The following EEIG2 variants were observed in gnomAD, a reference collection of about 807,000 sequenced individuals.
EEIG2 encodes EEIG family member 2.
the EEIG2 span, among the ~76,000 whole-genome samples, chr1:108,597,749 G>A: frequency 1.3e-5 from 2 of 152,162 alleles, no homozygotes; most frequent in Non-Finnish European, 2.9e-5. Flanking sequence ...TAGTAGGTTT[G>A]GGGAGGGAGC....
chr1:108,585,618 A>G, the EEIG2 span, among the ~76,000 whole-genome samples: 1 of 152,140 alleles, frequency 6.6e-6, no homozygotes, highest in African/African-American at 2.4e-5. Flanking sequence ...ACCAATGCAT[A>G]TGATCCCTTC....
At chr1:108,568,271 A>G in the EEIG2 span, among the ~76,000 whole-genome samples, 2 of 152,216 alleles carry the variant, frequency 1.3e-5, no homozygotes, top group Non-Finnish European at 2.9e-5. Flanking sequence ...GATGACACAC[A>G]TACAGAGATC....
chr1:108,576,390 C>T, the EEIG2 span, among the ~76,000 whole-genome samples: 1 of 148,402 alleles, frequency 6.7e-6, no homozygotes, highest in Non-Finnish European at 1.5e-5. Context: ...TGGTGCGCTG[C>T]ACCCACTAAC....
chr1:108,565,509 T>C, the EEIG2 span, among the ~76,000 whole-genome samples: 4 of 152,244 alleles, frequency 2.6e-5, no homozygotes, highest in African/African-American at 9.6e-5. Context: ...TTAAGGTTTA[T>C]TAAAACTGGC....
chr1:108,613,027 AACAT>A, the EEIG2 span, among the ~76,000 whole-genome samples: 1 of 152,232 alleles, frequency 6.6e-6, no homozygotes, highest in African/African-American at 2.4e-5. Flanking sequence ...TTAAGCTCTG[AACAT>A]ACGAAAATGT....
the EEIG2 span, among the ~76,000 whole-genome samples, chr1:108,579,604 C>T: frequency 1.3e-5 from 2 of 151,236 alleles, no homozygotes; most frequent in African/African-American, 4.9e-5. Flanking sequence ...TAGACATCTA[C>T]AGAACTCTCT....
At chr1:108,635,265 C>G in the EEIG2 span, 1 of 1,370,624 alleles carries the variant, frequency 7.3e-7, no homozygotes, top group Non-Finnish European at 1.0e-6. Flanking sequence ...AAGAGGAAAG[C>G]CAATGCTGGT....
the EEIG2 span, among the ~76,000 whole-genome samples, chr1:108,602,895 C>T: frequency 6.6e-6 from 1 of 151,840 alleles, no homozygotes; most frequent in Non-Finnish European, 1.5e-5. Flanking sequence ...GAAGACCTTA[C>T]TTCCAAATAA....
chr1:108,579,772 T>TGTGTGTGTGTGTGTGTGAGAGA, the EEIG2 span, among the ~76,000 whole-genome samples: 20 of 58,870 alleles, frequency 3.4e-4, no homozygotes, highest in African/African-American at 1.2e-3. Flanking sequence ...TGTGTGTGTG[T>TGTGTGTGTGTGTGTGTGAGAGA]GAGAGAGAGA....
At chr1:108,572,752 A>G in the EEIG2 span, among the ~76,000 whole-genome samples, 1 of 152,206 alleles carries the variant, frequency 6.6e-6, no homozygotes, top group East Asian at 1.9e-4. Context: ...AGTAGCTGGG[A>G]TTACAGGAGC....
chr1:108,597,195 C>T, the EEIG2 span, among the ~76,000 whole-genome samples: 1 of 152,138 alleles, frequency 6.6e-6, no homozygotes, highest in African/African-American at 2.4e-5. Flanking sequence ...CTGGCTGTGT[C>T]ATTGGGAACC....
At chr1:108,628,057 A>C in the EEIG2 span, 1 of 867,068 alleles carries the variant, frequency 1.2e-6, no homozygotes, top group Non-Finnish European at 1.9e-6. Context: ...TTTGTAACTT[A>C]TTGTTTTGAT....
the EEIG2 span, among the ~76,000 whole-genome samples, chr1:108,574,849 A>G: frequency 6.6e-6 from 1 of 152,196 alleles, no homozygotes; most frequent in East Asian, 1.9e-4. Flanking sequence ...TATTAGGCCA[A>G]ACCAATTATT....
the EEIG2 span, among the ~76,000 whole-genome samples, chr1:108,599,428 A>G: frequency 6.6e-6 from 1 of 151,846 alleles, no homozygotes; most frequent in African/African-American, 2.4e-5. Flanking sequence ...TCTTTATTTC[A>G]TCTGTTATCT....
the EEIG2 span, chr1:108,636,872 TTA>T: frequency 6.6e-6 from 1 of 152,224 alleles, no homozygotes; most frequent in Non-Finnish European, 1.5e-5. Context: ...AAGATATTAT[TTA>T]GAGAGATATT....
chr1:108,624,432 T>TAA, the EEIG2 span, among the ~76,000 whole-genome samples: 29,435 of 88,986 alleles, frequency 0.33, 3,769 homozygotes, highest in Non-Finnish European at 0.48. Flanking sequence ...CTTGTTATGT[T>TAA]AAAAAAAAAA....
the EEIG2 span, among the ~76,000 whole-genome samples, chr1:108,581,950 C>G: frequency 2.4e-4 from 37 of 152,154 alleles, 2 homozygotes; most frequent in East Asian, 7.2e-3. Context: ...AAGGAAGAGT[C>G]TATTGATGCA....
At chr1:108,596,719 T>G in the EEIG2 span, among the ~76,000 whole-genome samples, 7 of 152,068 alleles carry the variant, frequency 4.6e-5, no homozygotes, top group Non-Finnish European at 1.0e-4. Context: ...TCTGTTTTGT[T>G]CAAGTTGCTA....
At chr1:108,564,402 A>G in the EEIG2 span, among the ~76,000 whole-genome samples, 1 of 152,252 alleles carries the variant, frequency 6.6e-6, no homozygotes, top group African/African-American at 2.4e-5. Flanking sequence ...TGACGCCACC[A>G]CAGAAGTAAA....
Sources: allele counts gnomAD v4.1 joint callset (sites outside exome capture counted in the v4.1 genomes callset), GRCh38; gene constraint gnomAD v4.1.1; transcripts MANE v1.5; gene names NCBI Gene and HGNC (gene_info 2026-07-23, HGNC 2026-07-21).